AGAP1: variants seen among roughly 807,000 people sequenced by gnomAD.
AGAP1 encodes ArfGAP with GTPase domain, ankyrin repeat and PH domain 1.
In AGAP1, 29 loss-of-function variants were observed where a neutral mutation model predicts 105.3. That is an observed-to-expected ratio of 0.28 (90% CI 0.21 to 0.38). The LOEUF is 0.38. Among genes scored for constraint, AGAP1 ranks in the 10% least tolerant of loss-of-function variants. The pLI is 1.00. For synonymous variants in AGAP1, 509 were observed against 485.9 expected, an observed-to-expected ratio of 1.05 and a Z score of -0.63; for missense variants, 998 against 1,165.1, an observed-to-expected ratio of 0.86 and a Z score of 2.09.
At chr2:236,115,109 G>C (rs2059739351) in intron 16 of AGAP1, among the ~76,000 whole-genome samples, 1 of 152,198 alleles carries the variant, frequency 6.6e-6, no homozygotes, top group African/African-American at 2.4e-5. Flanking sequence ...TGCCCAGCAG[G>C]CCTTCGGTAC....
chr2:236,085,146 G>A (rs1973038), intron 16 of AGAP1, among the ~76,000 whole-genome samples: 38,427 of 150,114 alleles, frequency 0.26, 5,180 homozygotes, highest in South Asian at 0.34. Flanking sequence ...AACCCGGGAG[G>A]CGGAGGTCGC....
rs373065136 is a variant in AGAP1 at position 235,967,490 on chromosome 2, A to G, written c.1484-972A>G. Among the ~76,000 whole-genome samples the G allele has an allele frequency of 5.1e-4, 77 of 152,250 alleles. No individual in the cohort carries two copies. Among genetic ancestry groups the G allele is most frequent in the African/African-American group, 1.8e-3 (75 of 41,562 alleles). ...AGTCCCCATTGGGGCAGGAATGTTT[A>G]TCTGTTTCTCCTCGATCAATGATGG... is the stretch of plus-strand genomic sequence containing the variant. On this transcript the variant is annotated intron_variant, in intron 12 of 17. Transcript: ENST00000304032. The surrounding 1 kb of genome is among the most constrained non-coding windows in gnomAD (Gnocchi z 4.7).
Position 236,076,463 on chromosome 2 carries a change from G to T in AGAP1, c.2114+27182G>T, listed in dbSNP as rs57832469. ...CCATCTCAAAAAAAAATAAAGTCTT[G>T]AGAATGTTCACTTCCTGACGGCTTT... On this transcript the variant is annotated intron_variant, in intron 16 of 17. Coordinates refer to ENST00000304032, the MANE Select transcript of AGAP1 (RefSeq NM_001037131.3). This position sits in a 1 kb window ranked among gnomAD's most constrained non-coding sequence, Gnocchi z 4.4. Among the ~76,000 whole-genome samples, 46 of 152,074 alleles carry T rather than the reference G, an allele frequency of 3.0e-4. No homozygotes were observed. In the East Asian group the frequency reaches 8.7e-3, roughly 29 times the overall value.
At chr2:235,669,194 C>G (rs1048055206) in intron 1 of AGAP1, among the ~76,000 whole-genome samples, 3 of 152,184 alleles carry the variant, frequency 2.0e-5, no homozygotes, top group African/African-American at 4.8e-5. Flanking sequence ...CCCTCACAGT[C>G]ACATCTCTTT....
chr2:235,666,411 A>T (rs1371950838), intron 1 of AGAP1, among the ~76,000 whole-genome samples: 2 of 152,088 alleles, frequency 1.3e-5, no homozygotes, highest in Non-Finnish European at 2.9e-5. Context: ...TGTCGGGAGC[A>T]TGTGTCTTCT....
intron 1 of AGAP1, among the ~76,000 whole-genome samples, chr2:235,638,259 AGG>A (rs1947075250): frequency 6.6e-6 from 1 of 152,130 alleles, no homozygotes; most frequent in Non-Finnish European, 1.5e-5. Flanking sequence ...GCTATAAGGT[AGG>A]AGGTTCGATC....
chr2:235,761,363 G>C (rs1179107439), intron 6 of AGAP1, among the ~76,000 whole-genome samples: 3 of 152,154 alleles, frequency 2.0e-5, no homozygotes, highest in African/African-American at 7.2e-5. Context: ...GCCAACATTA[G>C]ATCATTAAAC....
Position 235,747,933 on chromosome 2 carries a change from C to T in AGAP1, c.539-2421C>T, listed in dbSNP as rs185000346. On this transcript the variant is annotated intron_variant, in intron 5 of 17. Coordinates refer to ENST00000304032, the MANE Select transcript of AGAP1 (RefSeq NM_001037131.3). This position sits in a 1 kb window ranked among gnomAD's most constrained non-coding sequence, Gnocchi z 5.0. ...GATTCCTGGGCTGGGGTGAGGCCTCCGCCCGCTGGCGGGAGGGGCAGCTCT... is the reference window on the plus strand; with the variant it reads ...GATTCCTGGGCTGGGGTGAGGCCTCTGCCCGCTGGCGGGAGGGGCAGCTCT... 4.6e-4 allele frequency among the ~76,000 whole-genome samples: 70 copies of T among 152,322 alleles called. No individual in the cohort carries two copies. Among genetic ancestry groups the T allele is most frequent in the African/African-American group, 1.3e-3 (54 of 41,586 alleles).
chr2:235,936,946 T>TTA lies in AGAP1; in HGVS notation c.1483+6023_1483+6024insTA, dbSNP rs60432841. On this transcript the variant is annotated intron_variant, in intron 12 of 17. Coordinates refer to ENST00000304032, the MANE Select transcript of AGAP1 (RefSeq NM_001037131.3). The surrounding 1 kb of genome is among the most constrained non-coding windows in gnomAD (Gnocchi z 4.7). ...TCATTCCCCTCTGCTTTTTTTTTTTTAAGGAGAAACGCATGCTTAGTACTA... is the reference window on the plus strand; with the variant it reads ...TCATTCCCCTCTGCTTTTTTTTTTTTTAAAGGAGAAACGCATGCTTAGTACTA... 1.8e-4 allele frequency among the ~76,000 whole-genome samples: 27 copies of TTA among 152,198 alleles called. 1 individual carries two copies. The South Asian group carries it at 3.9e-3, about 22-fold the overall frequency.
chr2:236,010,729 C>T (rs1419130140), intron 13 of AGAP1, among the ~76,000 whole-genome samples: 3 of 152,166 alleles, frequency 2.0e-5, no homozygotes, highest in Non-Finnish European at 4.4e-5. Context: ...AACAGGAGGG[C>T]TCTGTGTGTG....
intron 1 of AGAP1, among the ~76,000 whole-genome samples, chr2:235,587,645 C>G (rs1382656401): frequency 1.3e-5 from 2 of 151,968 alleles, no homozygotes; most frequent in African/African-American, 4.8e-5. Context: ...ATCCCAGCTA[C>G]TCTGGAGGCT....
intron 2 of AGAP1, among the ~76,000 whole-genome samples, chr2:235,715,637 T>C (rs1400976164): frequency 6.6e-6 from 1 of 152,186 alleles, no homozygotes; most frequent in East Asian, 1.9e-4. Context: ...CTCCCACGGC[T>C]TATGAAATGA....
intron 9 of AGAP1, among the ~76,000 whole-genome samples, chr2:235,833,874 T>A (rs897537340): frequency 2.0e-5 from 3 of 150,128 alleles, no homozygotes; most frequent in African/African-American, 7.4e-5. Context: ...TTTTTTTTTT[T>A]AAAGCTCTGG....
chr2:235,612,942 C>G lies in AGAP1; in HGVS notation c.164-96237C>G, dbSNP rs1261226722. ...TCTGATGATGCCTAAGGATGTCCTT[C>G]TAATTTGGAGTTAACCTCTCTTTCC... On this transcript the variant is annotated intron_variant, in intron 1 of 17. Coordinates refer to ENST00000304032, the MANE Select transcript of AGAP1 (RefSeq NM_001037131.3). The surrounding 1 kb of genome is among the most constrained non-coding windows in gnomAD (Gnocchi z 4.3). Among the ~76,000 whole-genome samples the G allele has an allele frequency of 6.6e-6, 1 of 151,940 alleles. No homozygotes were observed. Among genetic ancestry groups the G allele is most frequent in the East Asian group, 1.9e-4 (1 of 5,180 alleles).
chr2:235,943,285 T>TGTTGA (rs2053343804), intron 12 of AGAP1, among the ~76,000 whole-genome samples: 1 of 152,160 alleles, frequency 6.6e-6, no homozygotes, highest in African/African-American at 2.4e-5. Flanking sequence ...ATTGGTCAAA[T>TGTTGA]CTTTTTCATT....
intron 1 of AGAP1, among the ~76,000 whole-genome samples, chr2:235,527,696 A>C (rs562736466): frequency 6.6e-6 from 1 of 152,248 alleles, no homozygotes; most frequent in East Asian, 1.9e-4. Flanking sequence ...CCTACTTTAA[A>C]CATCTATAAT....
At chr2:235,567,266 A>T (rs1341621720) in intron 1 of AGAP1, among the ~76,000 whole-genome samples, 1 of 152,176 alleles carries the variant, frequency 6.6e-6, no homozygotes, top group Non-Finnish European at 1.5e-5. Flanking sequence ...AGCTGGAAGG[A>T]TGTTCAGATA....
rs1389928154 is a variant in AGAP1, at chr2:235,919,040, T to C, written c.1324+10134T>C. 6.6e-6 allele frequency among the ~76,000 whole-genome samples: 1 copy of C among 152,082 alleles called. No homozygotes were observed. Among genetic ancestry groups the C allele is most frequent in the East Asian group, 1.9e-4 (1 of 5,186 alleles). ...ACACTTTTTTTCTCTCAAAAATGTGTGTGGGCAGGGAGGAATAGTGTTTCA... is the reference window on the plus strand; with the variant it reads ...ACACTTTTTTTCTCTCAAAAATGTGCGTGGGCAGGGAGGAATAGTGTTTCA... On this transcript the variant is annotated intron_variant, in intron 11 of 17. Transcript: ENST00000304032. This position sits in a 1 kb window ranked among gnomAD's most constrained non-coding sequence, Gnocchi z 4.1.
chr2:236,016,810 C>T (rs919526296), intron 13 of AGAP1, among the ~76,000 whole-genome samples: 3 of 152,138 alleles, frequency 2.0e-5, no homozygotes, highest in Non-Finnish European at 4.4e-5. Context: ...TAAATAGTGA[C>T]TGCATATCCA....
Sources: gnomAD v4.1 joint callset for allele counts (sites outside exome capture counted in the v4.1 genomes callset) on GRCh38, gnomAD v4.1.1 for gene constraint, Gnocchi (gnomAD v3.1) non-coding constraint, MANE v1.5 for transcripts, NCBI Gene and HGNC (gene_info 2026-07-23, HGNC 2026-07-21) for gene names.